The following METTL22 variants were observed in gnomAD, a reference collection of about 807,000 sequenced individuals.
METTL22 encodes the protein methyltransferase-like protein 22.
A neutral mutation model predicts 48.4 loss-of-function variants in METTL22; 51 were observed. That is an observed-to-expected ratio of 1.05 (90% CI 0.84 to 1.33). The LOEUF (loss-of-function observed/expected upper bound fraction) is 1.33. METTL22 is among the 40% of genes most tolerant of loss of function. The pLI, the probability that METTL22 is intolerant of heterozygous loss-of-function variation, is 0.00. For synonymous variants in METTL22, 255 were observed against 214.1 expected, an observed-to-expected ratio of 1.19 and a Z score of -1.67; for missense variants, 678 against 526.9, an observed-to-expected ratio of 1.29 and a Z score of -2.81.
intron 2 of METTL22, among the ~76,000 whole-genome samples, chr16:8,626,630 G>C (rs1238605043): frequency 7.0e-6 from 1 of 143,016 alleles, no homozygotes; most frequent in Non-Finnish European, 1.5e-5. Context: ...TGTATTTTTA[G>C]TACAGACAGA....
chr16:8,662,113 G>A, the METTL22 span, among the ~76,000 whole-genome samples: 15 of 145,468 alleles, frequency 1.0e-4, 2 homozygotes, highest in East Asian at 1.8e-3. Context: ...GCAGTGGCAC[G>A]TGTCCGTAGT....
intron 5 of METTL22, among the ~76,000 whole-genome samples, chr16:8,636,929 A>G (rs1641042): frequency 0.99 from 150,443 of 152,346 alleles, 74,316 homozygotes; most frequent in Middle Eastern, 1. Context: ...CAAGTGCCAT[A>G]TGCCCTTCCT....
chr16:8,625,346 A>G (rs59672375), intron 1 of METTL22, 150 bp from the exon 2 acceptor site: 8,585 of 182,190 alleles, frequency 0.047, 828 homozygotes, highest in African/African-American at 0.19. Flanking sequence ...GTTGAAAAAA[A>G]AGGGAAAGGA....
intron 6 of METTL22, 69 bp from the exon 7 acceptor site, chr16:8,641,062 T>C: frequency 6.8e-7 from 1 of 1,478,684 alleles, no homozygotes; most frequent in Non-Finnish European, 9.4e-7. Flanking sequence ...ATATATAGTG[T>C]AAAAGTTTAT....
chr16:8,629,223 A>T (rs1042930397), intron 3 of METTL22, 113 bp downstream of exon 3: 2 of 1,396,722 alleles, frequency 1.4e-6, no homozygotes, highest in Non-Finnish European at 1.9e-6. Flanking sequence ...AGCACAGGTT[A>T]TGAGAACCAG....
intron 10 of METTL22, 102 bp from the exon 11 acceptor site, chr16:8,646,006 T>G (rs1567249024): frequency 1.0e-5 from 16 of 1,556,192 alleles, no homozygotes; most frequent in Admixed American, 1.9e-5. Flanking sequence ...GTGGCTGACG[T>G]GTTGTCTAAC....
At chr16:8,639,892 C>T (rs1328520508) in intron 6 of METTL22, among the ~76,000 whole-genome samples, 1 of 151,836 alleles carries the variant, frequency 6.6e-6, no homozygotes, top group Non-Finnish European at 1.5e-5. Context: ...GCGCCCCCCA[C>T]CACCAACAGC....
chr16:8,641,441 G>A (rs768860157), intron 7 of METTL22: 1 of 598,710 alleles, frequency 1.7e-6, no homozygotes. Context: ...GATAATCCCT[G>A]AATTGTGAGT....
At chr16:8,635,011 C>T in intron 3 of METTL22, 28 bp from the exon 4 acceptor site, 1 of 1,612,934 alleles carries the variant, frequency 6.2e-7, no homozygotes, top group Non-Finnish European at 8.5e-7. Context: ...TCACAGTGGG[C>T]ATTTCTCTTG....
At chr16:8,630,690 C>T (rs1408031183) in intron 3 of METTL22, among the ~76,000 whole-genome samples, 1 of 152,174 alleles carries the variant, frequency 6.6e-6, no homozygotes, top group Non-Finnish European at 1.5e-5. Flanking sequence ...AACAAAGTCC[C>T]TCGGGAAGAG....
At chr16:8,630,748 C>T (rs773431284) in intron 3 of METTL22, among the ~76,000 whole-genome samples, 21 of 152,310 alleles carry the variant, frequency 1.4e-4, no homozygotes, top group African/African-American at 2.2e-4. Flanking sequence ...GGTGACCTCA[C>T]GGTGAGGCCC....
chr16:8,631,657 G>A (rs1482483386), intron 3 of METTL22: 1 of 152,260 alleles, frequency 6.6e-6, no homozygotes, highest in Non-Finnish European at 1.5e-5. Flanking sequence ...TGCAGGTCTA[G>A]AGACCCAGTT....
downstream of METTL22, among the ~76,000 whole-genome samples, chr16:8,654,232 G>C (rs1013790306): frequency 1.3e-5 from 2 of 152,230 alleles, no homozygotes; most frequent in African/African-American, 4.8e-5. Context: ...GTGAGGGATA[G>C]AGCCAGGCTT....
chr16:8,625,585 C>T lies in METTL22; in HGVS notation c.-81C>T. On this transcript the variant is annotated 5_prime_UTR_variant, in exon 2 of 11. Coordinates refer to ENST00000381920, the MANE Select transcript of METTL22 (RefSeq NM_024109.4). The stretch of plus-strand genomic sequence containing the variant: ...ACCAGCTTGGACCTGTCTGCAGTAT[C>T]TCCTCTGGGACCTGCCATGCTGAGG... The T allele has an allele frequency of 6.8e-7, 1 of 1,464,742 alleles. No individual in the cohort carries two copies. The highest frequency in any genetic ancestry group is 9.3e-7 in the Non-Finnish European group (1 of 1,071,234). 90.7% of individuals were successfully genotyped at this position (1,464,742 alleles called of 1,614,324 possible). A position where few individuals can be genotyped will look rare whatever the true frequency, so the allele number is the denominator to read the frequency against.
At chr16:8,665,626 G>C in the METTL22 span, among the ~76,000 whole-genome samples, 1 of 152,222 alleles carries the variant, frequency 6.6e-6, no homozygotes, top group Non-Finnish European at 1.5e-5. Context: ...AGCACGCTCA[G>C]TTTGTAGAAG....
In METTL22 at chr16:8,649,181, G is replaced by A. The variant is rs961879595; in HGVS notation, c.*3038G>A. On this transcript the variant is annotated 3_prime_UTR_variant, in exon 11 of 11. Transcript: ENST00000381920. ...CCGCATTAGGGCAAACTGCTTTTAT[G>A]TCTAAACCACTGGGCCTGAAAGCTT... 6.6e-6 allele frequency: 1 copy of A among 152,218 alleles called. No homozygotes were observed. The highest frequency in any genetic ancestry group is 2.4e-5 in the African/African-American group (1 of 41,446). 9.4% of individuals were successfully genotyped at this position (152,218 alleles called of 1,614,324 possible). A position where few individuals can be genotyped will look rare whatever the true frequency, so the allele number is the denominator to read the frequency against.
At chr16:8,666,044 C>G in the METTL22 span, among the ~76,000 whole-genome samples, 1 of 152,224 alleles carries the variant, frequency 6.6e-6, no homozygotes, top group East Asian at 1.9e-4. Context: ...AAGCCAATAT[C>G]TGTGCAGCAT....
chr16:8,625,556 C>A lies in METTL22; in HGVS notation c.-110C>A. The A allele has an allele frequency of 9.7e-7, 1 of 1,032,748 alleles. No individual in the cohort carries two copies. The highest frequency in any genetic ancestry group is 1.4e-6 in the Non-Finnish European group (1 of 728,708). The allele number at this position is 1,032,748 out of a possible 1,614,324, so 64.0% of individuals were successfully genotyped here. ...TCTCCCAGGGCGATGCAAAGCTACT[C>A]GCTACCAGCTTGGACCTGTCTGCAG... On this transcript the variant is annotated 5_prime_UTR_variant, in exon 2 of 11. An upstream open reading frame in the 5' UTR gains an earlier in-frame stop. Transcript: ENST00000381920.
intron 2 of METTL22, among the ~76,000 whole-genome samples, chr16:8,627,016 C>T (rs1466608160): frequency 1.3e-5 from 2 of 152,050 alleles, no homozygotes; most frequent in East Asian, 1.9e-4. Flanking sequence ...CCGCCCGCCT[C>T]GGCCTCCCAA....
Sources: allele counts gnomAD v4.1 joint callset (sites outside exome capture counted in the v4.1 genomes callset), GRCh38; gene constraint gnomAD v4.1.1; transcripts MANE v1.5; gene names NCBI Gene and HGNC (gene_info 2026-07-23, HGNC 2026-07-21).